The following ART3 variants were observed in gnomAD, a reference collection of about 807,000 sequenced individuals.
The protein encoded by ART3 is ADP-ribosyltransferase 3 (inactive).
ART3 carries 49 observed loss-of-function variants against 48.5 expected under a neutral mutation model. The ratio of observed to expected loss-of-function variants is 1.01; its 90% confidence interval spans 0.80 to 1.28. ART3 has a LOEUF of 1.28. Ranked by LOEUF, ART3 falls within the 50% of genes most tolerant of loss-of-function variation. ART3 has a pLI of 0.00. For synonymous variants in ART3, 145 were observed against 157.2 expected, an observed-to-expected ratio of 0.92 and a Z score of 0.58; for missense variants, 438 against 454.3, an observed-to-expected ratio of 0.96 and a Z score of 0.33.
chr4:76,038,979 TC>T (rs754638639), intron 1 of ART3, among the ~76,000 whole-genome samples: 1 of 152,172 alleles, frequency 6.6e-6, no homozygotes, highest in Non-Finnish European at 1.5e-5. Flanking sequence ...CGCCTTGGCC[TC>T]CCAAAGTGCT....
intron 1 of ART3, among the ~76,000 whole-genome samples, chr4:76,049,584 T>C (rs921795639): frequency 6.6e-6 from 1 of 152,034 alleles, no homozygotes; most frequent in Admixed American, 6.6e-5. Context: ...ATGTCTTTAG[T>C]CCGGCAGCCT....
intron 3 of ART3, among the ~76,000 whole-genome samples, chr4:76,091,808 A>G (rs561238949): frequency 6.6e-6 from 1 of 151,854 alleles, no homozygotes; most frequent in East Asian, 1.9e-4. Flanking sequence ...CAGTCTCCCA[A>G]GTAGCTGGGA....
intron 2 of ART3, 93 bp from the exon 3 acceptor site, chr4:76,081,731 C>T: frequency 7.4e-7 from 1 of 1,351,692 alleles, no homozygotes; most frequent in Non-Finnish European, 1.0e-6. Context: ...AGAATTTTGG[C>T]AAGGGATGAG....
Position 76,044,787 on chromosome 4 carries a change from T to C in ART3, c.-9-31094T>C, listed in dbSNP as rs554122324. On this transcript the variant is annotated intron_variant, in intron 1 of 9. Transcript: ENST00000341029. ...CTTCTTGCTGGTCTTTCCCTACCTC[T>C]GCCAGCCGCTTATGCTGCTGTTCTC... Among the ~76,000 whole-genome samples, 253 of 152,120 alleles carry C rather than the reference T, an allele frequency of 1.7e-3. 1 individual carries two copies. Among genetic ancestry groups the C allele is most frequent in the African/African-American group, 5.6e-3 (234 of 41,526 alleles).
intron 3 of ART3, among the ~76,000 whole-genome samples, chr4:76,084,309 G>T (rs1050194607): frequency 1.3e-5 from 2 of 152,160 alleles, no homozygotes. Context: ...GGGGATGGGG[G>T]TTCTGCAGAA....
intron 3 of ART3, among the ~76,000 whole-genome samples, chr4:76,086,535 T>C (rs1196572525): frequency 3.9e-5 from 6 of 152,300 alleles, no homozygotes; most frequent in Admixed American, 3.3e-4. Context: ...GATTTGGAGA[T>C]CTAATGTGTA....
chr4:76,025,168 A>G (rs1223187840), intron 1 of ART3, among the ~76,000 whole-genome samples: 2 of 146,888 alleles, frequency 1.4e-5, no homozygotes, highest in Non-Finnish European at 3.0e-5. Flanking sequence ...GTTCGTTCTG[A>G]TGAGGGAAAG....
At chr4:76,087,063 C>T (rs374864378) in intron 3 of ART3, among the ~76,000 whole-genome samples, 12 of 152,142 alleles carry the variant, frequency 7.9e-5, no homozygotes, top group African/African-American at 2.2e-4. Flanking sequence ...GGCCAGATGC[C>T]GTTTGTGGAA....
intron 3 of ART3, among the ~76,000 whole-genome samples, chr4:76,083,218 T>C (rs184081525): frequency 2.0e-5 from 3 of 151,960 alleles, no homozygotes; most frequent in East Asian, 3.9e-4. Flanking sequence ...AAAAGAAAAA[T>C]AGCAGTCGCC....
In ART3 at chr4:76,112,638, A is replaced by T; in HGVS notation, c.*119A>T. 1 of 1,208,658 alleles carries T rather than the reference A, an allele frequency of 8.3e-7. No individual in the cohort carries two copies. The highest frequency in any genetic ancestry group is 1.1e-6 in the Non-Finnish European group (1 of 895,648). The allele number at this position is 1,208,658 out of a possible 1,614,324, so 74.9% of individuals were successfully genotyped here. A position where few individuals can be genotyped will look rare whatever the true frequency, so the allele number is the denominator to read the frequency against. ...GCCAAAGTCACTGGATAAAATGAGA[A>T]TTGTATATTTGTTATTCATTTTGCA... On this transcript the variant is annotated 3_prime_UTR_variant, in exon 12 of 12. Coordinates refer to ENST00000355810, the MANE Select transcript of ART3 (RefSeq NM_001130016.3).
intron 2 of ART3, among the ~76,000 whole-genome samples, chr4:76,079,325 A>T (rs1228554843): frequency 1.3e-5 from 2 of 152,278 alleles, no homozygotes; most frequent in East Asian, 1.9e-4. Context: ...TGAGAAGGAA[A>T]TATGTAGGAA....
chr4:76,086,589 G>A (rs376002691), intron 3 of ART3, among the ~76,000 whole-genome samples: 4 of 152,104 alleles, frequency 2.6e-5, no homozygotes, highest in African/African-American at 9.7e-5. Context: ...ACTTAAATAA[G>A]GATTTTAGCT....
chr4:76,055,171 T>A (rs1373452756), intron 1 of ART3, among the ~76,000 whole-genome samples: 2 of 152,244 alleles, frequency 1.3e-5, no homozygotes, highest in African/African-American at 4.8e-5. Flanking sequence ...CTGTTCTTAC[T>A]TTCAGTATGA....
intron 3 of ART3, among the ~76,000 whole-genome samples, chr4:76,095,124 G>T (rs1022946567): frequency 6.6e-6 from 1 of 152,150 alleles, no homozygotes; most frequent in South Asian, 2.1e-4. Flanking sequence ...AAAATAGTTT[G>T]ATTACTGCTA....
At chr4:76,094,611 T>C (rs977400986) in intron 3 of ART3, among the ~76,000 whole-genome samples, 13 of 152,240 alleles carry the variant, frequency 8.5e-5, no homozygotes, top group Non-Finnish European at 1.2e-4. Context: ...TTCTCACTGC[T>C]GAGGCTGTAC....
intron 1 of ART3, among the ~76,000 whole-genome samples, chr4:76,056,911 G>A (rs1718741025): frequency 6.6e-6 from 1 of 152,106 alleles, no homozygotes. Context: ...AATTAAAGAA[G>A]AGTTAGCCAT....
chr4:76,097,741 G>A, intron 4 of ART3, 65 bp downstream of exon 4: 2 of 1,279,022 alleles, frequency 1.6e-6, no homozygotes, highest in African/African-American at 1.5e-5. Flanking sequence ...CATAGCTATG[G>A]GTCAGAGCTA....
At chr4:76,065,552 AACACACACAC>A (rs56794781) in intron 1 of ART3, among the ~76,000 whole-genome samples, 1 of 145,294 alleles carries the variant, frequency 6.9e-6, no homozygotes, top group Admixed American at 6.9e-5. Context: ...ATAACCCTCC[AACACACACAC>A]ACACACACAC....
intron 1 of ART3, among the ~76,000 whole-genome samples, chr4:76,018,551 A>G (rs964433213): frequency 6.6e-6 from 1 of 152,218 alleles, no homozygotes; most frequent in East Asian, 1.9e-4. Context: ...CGATTTACCC[A>G]TGTAACAAAC....
Sources: gnomAD v4.1 joint callset for allele counts (sites outside exome capture counted in the v4.1 genomes callset) on GRCh38, gnomAD v4.1.1 for gene constraint, MANE v1.5 for transcripts, NCBI Gene and HGNC (gene_info 2026-07-23, HGNC 2026-07-21) for gene names.